Variants in MORN3 observed in about 807,000 individuals in gnomAD.
The protein encoded by MORN3 is MORN repeat containing 3.
MORN3 carries 38 observed loss-of-function variants against 34.7 expected under a neutral mutation model. That is an observed-to-expected ratio of 1.10 (90% CI 0.85 to 1.44). MORN3 has a LOEUF of 1.44. Ranked by LOEUF, MORN3 falls within the 40% of genes most tolerant of loss-of-function variation. The probability of loss-of-function intolerance (pLI) is 0.00; values close to 1 mark genes in which losing one functional copy is unlikely to be tolerated. For missense variants in MORN3, 311 were observed against 321.7 expected, an observed-to-expected ratio of 0.97 and a Z score of 0.25; for synonymous variants, 109 against 115.3, an observed-to-expected ratio of 0.95 and a Z score of 0.35.
At chr12:121,660,857 G>A (rs1465022122) in intron 1 of MORN3, among the ~76,000 whole-genome samples, 1 of 151,652 alleles carries the variant, frequency 6.6e-6, no homozygotes, top group Non-Finnish European at 1.5e-5. Flanking sequence ...CAGTAGAGAC[G>A]GGGGTCTCTC....
chr12:121,662,961 T>C (rs1594231035), intron 1 of MORN3, among the ~76,000 whole-genome samples: 1 of 151,702 alleles, frequency 6.6e-6, no homozygotes, highest in African/African-American at 2.4e-5. Context: ...CCCTCCAGCC[T>C]GGCAACAGAG....
At chr12:121,662,883 G>A (rs1893627680) in intron 1 of MORN3, among the ~76,000 whole-genome samples, 2 of 151,982 alleles carry the variant, frequency 1.3e-5, no homozygotes, top group African/African-American at 4.8e-5. Flanking sequence ...CTACTTGGGA[G>A]GTTGGAGGCA....
At chr12:121,657,575 A>G (rs1329535600) in intron 2 of MORN3, among the ~76,000 whole-genome samples, 1 of 152,044 alleles carries the variant, frequency 6.6e-6, no homozygotes, top group Non-Finnish European at 1.5e-5. Context: ...TTGAGTAATA[A>G]TACAACCCAG....
rs144006501 is a variant in MORN3, at chr12:121,655,067, C to T, written c.304-634G>A. On this transcript the variant is annotated intron_variant, in intron 2 of 5. Coordinates refer to ENST00000355329, the MANE Select transcript of MORN3 (RefSeq NM_173855.5). ...CAGCGCCGGAGGACTCTTTAAATCG[C>T]CCATCTAGGCTGGGCGCTGTGGCTC... 1.6e-3 allele frequency among the ~76,000 whole-genome samples: 245 copies of T among 152,184 alleles called. 1 individual carries two copies. Among genetic ancestry groups the T allele is most frequent in the South Asian group, 0.011 (52 of 4,826 alleles).
At chr12:121,653,314 C>A in intron 3 of MORN3, 55 bp from the exon 4 acceptor site, 1 of 1,556,292 alleles carries the variant, frequency 6.4e-7, no homozygotes, top group Non-Finnish European at 8.7e-7. Context: ...AAGCTAGACC[C>A]CCAGGGGTCG....
At position 121,651,147 on chromosome 12, in the gene MORN3, G is replaced by C. The variant is rs2136863622; in HGVS notation, c.*504C>G. 1 of 151,510 alleles carries C rather than the reference G, an allele frequency of 6.6e-6. No individual in the cohort carries two copies. 9.4% of individuals were successfully genotyped at this position (151,510 alleles called of 1,614,324 possible). A position where few individuals can be genotyped will look rare whatever the true frequency, so the allele number is the denominator to read the frequency against. On this transcript the variant is annotated 3_prime_UTR_variant, in exon 6 of 6. Transcript: ENST00000355329. ...ATATTTTAAAATTTTTTTTTGTAGA[G>C]TCAGGGTCTTGCTATGTTGCCTAAG...
rs10840650 is a variant in MORN3, at chr12:121,649,790, C to T, written c.*1861G>A. 17,970 of 148,108 alleles carry T rather than the reference C, an allele frequency of 0.12. 1,359 individuals are homozygous for T. The highest frequency in any genetic ancestry group is 0.28 in the South Asian group (1,280 of 4,636). The allele number at this position is 148,108 out of a possible 1,614,324, so 9.2% of individuals were successfully genotyped here. On this transcript the variant is annotated 3_prime_UTR_variant, in exon 6 of 6. Transcript: ENST00000355329. Reference sequence around the variant, plus strand: ...ATGGCGCAATCTCGGCTCACTGCAACCTCTGCCACCCAGGTTCAAGCAATT... The same window carrying T: ...ATGGCGCAATCTCGGCTCACTGCAATCTCTGCCACCCAGGTTCAAGCAATT...
Position 121,654,552 on chromosome 12 carries a change from A to G in MORN3, c.304-119T>C, listed in dbSNP as rs1893360268. The G allele has an allele frequency of 4.5e-6, 5 of 1,111,934 alleles. No individual in the cohort carries two copies. In the African/African-American group the frequency reaches 4.8e-5, roughly 11 times the overall value. The allele number at this position is 1,111,934 out of a possible 1,614,324, so 68.9% of individuals were successfully genotyped here. ...AGCTTCTTCCTTCTTCCTCAGCCCT[A>G]CGTCCAAGCGGAGGGTCGTGTCTTA... On this transcript the variant is annotated intron_variant, in intron 2 of 5. Coordinates refer to ENST00000355329, the MANE Select transcript of MORN3 (RefSeq NM_173855.5).
intron 1 of MORN3, among the ~76,000 whole-genome samples, chr12:121,664,912 T>C (rs867290476): frequency 6.7e-6 from 1 of 148,236 alleles, no homozygotes; most frequent in African/African-American, 2.5e-5. Context: ...CTCATGACTA[T>C]GCCTTCCGTG....
chr12:121,654,950 G>C (rs80260908), intron 2 of MORN3, among the ~76,000 whole-genome samples: 4,510 of 151,970 alleles, frequency 0.03, 181 homozygotes, highest in East Asian at 0.11. Context: ...CCCTCTGCTG[G>C]CGCCTCCATG....
chr12:121,663,608 G>A (rs1299481102), intron 1 of MORN3, among the ~76,000 whole-genome samples: 1 of 152,102 alleles, frequency 6.6e-6, no homozygotes, highest in Admixed American at 6.6e-5. Context: ...TTCAATTTGT[G>A]AGCAATTACG....
chr12:121,663,841 G>T (rs549692789), intron 1 of MORN3, among the ~76,000 whole-genome samples: 3 of 152,052 alleles, frequency 2.0e-5, no homozygotes, highest in Admixed American at 1.3e-4. Flanking sequence ...TGGTCTGGTA[G>T]GGCCCAACCA....
intron 1 of MORN3, among the ~76,000 whole-genome samples, chr12:121,660,492 A>C (rs1214695371): frequency 6.7e-6 from 1 of 149,088 alleles, no homozygotes; most frequent in Non-Finnish European, 1.5e-5. Flanking sequence ...CTAGAATTAC[A>C]GGTGCCCGCC....
At chr12:121,658,891 G>T (rs1555326002) in intron 2 of MORN3, among the ~76,000 whole-genome samples, 1 of 152,226 alleles carries the variant, frequency 6.6e-6, no homozygotes, top group Non-Finnish European at 1.5e-5. Flanking sequence ...GCCAGGAAAC[G>T]AGGGGGAAAA....
chr12:121,658,170 G>C (rs921767890), intron 2 of MORN3, among the ~76,000 whole-genome samples: 8 of 152,278 alleles, frequency 5.3e-5, no homozygotes, highest in Non-Finnish European at 7.3e-5. Flanking sequence ...CCCTTGGGCA[G>C]TTACAAGACA....
At chr12:121,656,696 AT>A (rs1181666199) in intron 2 of MORN3, among the ~76,000 whole-genome samples, 1 of 151,406 alleles carries the variant, frequency 6.6e-6, no homozygotes, top group East Asian at 1.9e-4. Flanking sequence ...TGTGTTTTTT[AT>A]TTAGTAGAGA....
At chr12:121,661,383 C>A (rs1433370849) in intron 1 of MORN3, among the ~76,000 whole-genome samples, 1 of 152,112 alleles carries the variant, frequency 6.6e-6, no homozygotes, top group Non-Finnish European at 1.5e-5. Context: ...ACCAGTACAC[C>A]GAGCTTAATA....
chr12:121,670,319 G>A (rs529623914), upstream of MORN3, among the ~76,000 whole-genome samples: 68 of 152,230 alleles, frequency 4.5e-4, no homozygotes, highest in African/African-American at 1.3e-3. Flanking sequence ...ATTCTATGCC[G>A]TTGGGATTTT....
intron 1 of MORN3, among the ~76,000 whole-genome samples, chr12:121,668,308 C>G (rs1004706132): frequency 3.3e-5 from 5 of 150,940 alleles, no homozygotes; most frequent in Admixed American, 6.6e-5. Context: ...TTTGGGAGGC[C>G]GAGGCGGGCG....
Sources: allele counts gnomAD v4.1 joint callset (sites outside exome capture counted in the v4.1 genomes callset), GRCh38; gene constraint gnomAD v4.1.1; transcripts MANE v1.5; gene names NCBI Gene and HGNC (gene_info 2026-07-23, HGNC 2026-07-21).